Variants in MEP1B observed in about 807,000 individuals in gnomAD.
MEP1B encodes the protein N-benzoyl-L-tyrosyl-P-amino-benzoic acid hydrolase subunit beta.
MEP1B carries 80 observed loss-of-function variants against 84.6 expected under a neutral mutation model. The observed-to-expected ratio is 0.95, with a 90% CI of 0.79 to 1.14. The LOEUF is 1.14. Ranked by LOEUF, MEP1B falls within the 50% of genes most tolerant of loss-of-function variation. The pLI, the probability that MEP1B is intolerant of heterozygous loss-of-function variation, is 0.00. For synonymous variants in MEP1B, 273 were observed against 288.1 expected, an observed-to-expected ratio of 0.95 and a Z score of 0.53; for missense variants, 766 against 855.1, an observed-to-expected ratio of 0.90 and a Z score of 1.30.
Position 32,213,273 on chromosome 18 carries a change from C to T in MEP1B, c.1293C>T (p.Ile431=). 1.2e-6 allele frequency: 2 copies of T among 1,614,004 alleles called. No homozygotes were observed. The highest frequency in any genetic ancestry group is 8.5e-7 in the Non-Finnish European group (1 of 1,179,866). ...NLSETRCPHH[I]WHIRNFTQFI... is the part of the protein sequence containing the mutation. ...CGGAAACACGGTGCCCTCATCATAT[C>T]TGGCATATAAGGAATTTCACACAGT... The change falls in exon 11 of 15, where the codon ATC becomes ATT. Residue 431 remains isoleucine, a synonymous_variant. Transcript: ENST00000269202.
In MEP1B at chr18:32,207,423, AT is replaced by A; in HGVS notation, c.722del (p.Phe241SerfsTer7). ...GAGGATGTGATCGGCCAACGAATGG[AT>A]TTCAGTGACTCTGATCTCCTAAAGT... ...DFEDVIGQRM[D>X]FSDSDLLKLN... On this transcript the variant is annotated frameshift_variant, in exon 8 of 15. Transcript: ENST00000269202. LOFTEE classifies it high-confidence loss of function. 6.2e-7 allele frequency: 1 copy of A among 1,613,170 alleles called. No individual in the cohort carries two copies. The highest frequency in any genetic ancestry group is 8.5e-7 in the Non-Finnish European group (1 of 1,179,554).
intron 10 of MEP1B, 116 bp downstream of exon 10, chr18:32,210,832 C>A: frequency 1.3e-6 from 1 of 776,220 alleles, no homozygotes; most frequent in Non-Finnish European, 2.1e-6. Flanking sequence ...TATACTTCAA[C>A]TAAGAACTAG....
At chr18:32,191,000 G>T (rs1185760436) in intron 1 of MEP1B, among the ~76,000 whole-genome samples, 1 of 152,014 alleles carries the variant, frequency 6.6e-6, no homozygotes, top group African/African-American at 2.4e-5. Flanking sequence ...ATTTATTATA[G>T]CTTACAATGA....
At chr18:32,207,158 T>G in intron 7 of MEP1B, 94 bp from the exon 8 acceptor site, 1 of 790,666 alleles carries the variant, frequency 1.3e-6, no homozygotes, top group Non-Finnish European at 2.0e-6. Context: ...TTGCTTGAGT[T>G]TATTATATTC....
intron 6 of MEP1B, among the ~76,000 whole-genome samples, chr18:32,203,361 A>G (rs1373949863): frequency 3.9e-5 from 6 of 152,122 alleles, no homozygotes; most frequent in African/African-American, 1.4e-4. Context: ...ATTTTAACCT[A>G]ACCACTCTTA....
chr18:32,208,846 A>C (rs2040993240), intron 9 of MEP1B, among the ~76,000 whole-genome samples: 2 of 152,232 alleles, frequency 1.3e-5, no homozygotes, highest in Admixed American at 6.5e-5. Context: ...AGACTTCAGA[A>C]CTTAGGGCCA....
chr18:32,202,146 C>T (rs1598890701), intron 5 of MEP1B, among the ~76,000 whole-genome samples: 1 of 152,150 alleles, frequency 6.6e-6, no homozygotes, highest in Non-Finnish European at 1.5e-5. Context: ...AAGCACTTTC[C>T]CCTCTGCCAT....
rs2241892 is a variant in MEP1B at position 32,208,681 on chromosome 18, C to T, written c.919+410C>T. ...CTGTAGCTGGATGTGATTATATGCT[C>T]CTGTTACAAAAATATCTAAAAAGCA... On this transcript the variant is annotated intron_variant, in intron 9 of 14. Transcript: ENST00000269202. Among the ~76,000 whole-genome samples the T allele has an allele frequency of 4.6e-5, 7 of 152,318 alleles. No individual in the cohort carries two copies. The East Asian group carries it at 1.4e-3, about 29-fold the overall frequency.
rs565781238 is a variant in MEP1B, at chr18:32,198,779, A to C, written c.250+3294A>C. 2.9e-4 allele frequency among the ~76,000 whole-genome samples: 44 copies of C among 152,332 alleles called. No individual in the cohort carries two copies. The South Asian group carries it at 7.5e-3, about 26-fold the overall frequency. The stretch of plus-strand genomic sequence containing the variant: ...GTGGAAGTGAGATTGTTAAAATTGC[A>C]GTTTAAAATAATCACTTGGGTTGAA... On this transcript the variant is annotated intron_variant, in intron 5 of 14. Transcript: ENST00000269202.
At chr18:32,215,027 A>G in intron 11 of MEP1B, 55 bp from the exon 12 acceptor site, 3 of 1,322,652 alleles carry the variant, frequency 2.3e-6, no homozygotes, top group Non-Finnish European at 3.2e-6. Context: ...CTTTCCTACC[A>G]CCAAAAGCTA....
At chr18:32,193,736 G>A (rs763122916) in intron 4 of MEP1B, among the ~76,000 whole-genome samples, 37 of 151,902 alleles carry the variant, frequency 2.4e-4, no homozygotes, top group Non-Finnish European at 2.4e-4. Flanking sequence ...TTCCTATATC[G>A]TAAGCACCAA....
At chr18:32,191,962 C>T (rs2040806063) in intron 2 of MEP1B, 122 bp downstream of exon 2, 1 of 621,994 alleles carries the variant, frequency 1.6e-6, no homozygotes, top group Non-Finnish European at 2.8e-6. Context: ...TGATCTAATA[C>T]TGGATTCTTT....
At chr18:32,202,465 A>G (rs968098522) in intron 5 of MEP1B, among the ~76,000 whole-genome samples, 8 of 152,204 alleles carry the variant, frequency 5.3e-5, no homozygotes, top group African/African-American at 1.9e-4. Flanking sequence ...CACTTTGCAT[A>G]CTATTTCAGG....
At chr18:32,193,646 T>C (rs2040824382) in intron 4 of MEP1B, among the ~76,000 whole-genome samples, 1 of 152,190 alleles carries the variant, frequency 6.6e-6, no homozygotes, top group Admixed American at 6.5e-5. Flanking sequence ...ATACACCATG[T>C]GGCCTAGAAA....
chr18:32,196,262 T>G lies in MEP1B; in HGVS notation c.250+777T>G. ...ATGCCTTTGAACTGCTCCAAGACGC[T>G]GGCCATGCTGGGGGCTGTGAAGTTG... is the stretch of plus-strand genomic sequence containing the variant. On this transcript the variant is annotated intron_variant, in intron 5 of 14. Transcript: ENST00000269202. This position sits in a 1 kb window ranked among gnomAD's most constrained non-coding sequence, Gnocchi z 4.4. 1 of 706,236 alleles carries G rather than the reference T, an allele frequency of 1.4e-6. No individual in the cohort carries two copies. The allele number at this position is 706,236 out of a possible 1,614,324, so 43.7% of individuals were successfully genotyped here.
intron 1 of MEP1B, among the ~76,000 whole-genome samples, chr18:32,190,812 T>C (rs1387291208): frequency 6.6e-6 from 1 of 152,158 alleles, no homozygotes; most frequent in Non-Finnish European, 1.5e-5. Context: ...CATTCCTCTA[T>C]GAGTGTATGC....
chr18:32,195,587 T>C lies in MEP1B; in HGVS notation c.250+102T>C, dbSNP rs2040845096. On this transcript the variant is annotated intron_variant, in intron 5 of 14. Transcript: ENST00000269202. The stretch of plus-strand genomic sequence containing the variant: ...GCTTATATAGTCTTTAAGGTTTTGT[T>C]TGGTTTGCTCCTTTGTGTGGCTATG... 7 of 730,102 alleles carry C rather than the reference T, an allele frequency of 9.6e-6. No individual in the cohort carries two copies. The South Asian group carries it at 1.1e-4, about 12-fold the overall frequency. 45.2% of individuals were successfully genotyped at this position (730,102 alleles called of 1,614,324 possible).
intron 14 of MEP1B, among the ~76,000 whole-genome samples, chr18:32,219,810 G>GCACATGCACA (rs1568275515): frequency 6.7e-6 from 1 of 149,202 alleles, no homozygotes. Context: ...AAACACACAT[G>GCACATGCACA]CACACACACA....
At chr18:32,220,130 T>C in intron 14 of MEP1B, 101 bp from the exon 15 acceptor site, 1 of 1,122,042 alleles carries the variant, frequency 8.9e-7, no homozygotes, top group Non-Finnish European at 1.3e-6. Context: ...AGACTGCTGA[T>C]GGGGACTTCA....
Sources: allele counts gnomAD v4.1 joint callset (sites outside exome capture counted in the v4.1 genomes callset), GRCh38; gene constraint gnomAD v4.1.1; non-coding constraint Gnocchi (gnomAD v3.1); transcripts MANE v1.5; gene names NCBI Gene and HGNC (gene_info 2026-07-23, HGNC 2026-07-21).